The following GMDS variants were observed in gnomAD, a reference collection of about 807,000 sequenced individuals.
GMDS encodes the protein GDP-mannose 4,6 dehydratase.
Under a neutral mutation model 49.9 loss-of-function variants are expected in GMDS, and 20 were observed. That is an observed-to-expected ratio of 0.40 (90% CI 0.28 to 0.58). The LOEUF (loss-of-function observed/expected upper bound fraction) is 0.58, where lower values mean the gene tolerates loss of function less well. GMDS is among the 20% of genes least tolerant of loss of function. The pLI, the probability that GMDS is intolerant of heterozygous loss-of-function variation, is 0.42. For synonymous variants in GMDS, 177 were observed against 178.6 expected (o/e 0.99, Z 0.07); for missense variants, 362 against 481.4 (o/e 0.75, Z 2.32).
chr6:2,235,169 A>C (rs559406062), intron 1 of GMDS, among the ~76,000 whole-genome samples: 1 of 152,312 alleles, frequency 6.6e-6, no homozygotes, highest in Admixed American at 6.5e-5. Flanking sequence ...ATACGTGTAC[A>C]CAAAGGTGCC....
At chr6:1,812,097 T>C (rs1175357192) in intron 7 of GMDS, among the ~76,000 whole-genome samples, 3 of 152,146 alleles carry the variant, frequency 2.0e-5, no homozygotes, top group Admixed American at 1.3e-4. Flanking sequence ...GCTATAGAAG[T>C]ACCGCAGAGA....
At chr6:1,822,953 A>G (rs938174538) in intron 7 of GMDS, among the ~76,000 whole-genome samples, 57 of 152,300 alleles carry the variant, frequency 3.7e-4, no homozygotes, top group African/African-American at 1.3e-3. Context: ...TGCAATAGAA[A>G]AATCCTTCAA....
intron 1 of GMDS, among the ~76,000 whole-genome samples, chr6:2,222,307 G>A (rs1391476615): frequency 6.6e-6 from 1 of 152,174 alleles, no homozygotes; most frequent in Admixed American, 6.5e-5. Flanking sequence ...CTCTCCTGGG[G>A]TTAGAGACCA....
chr6:1,707,463 G>GCC (rs1312915855), intron 9 of GMDS, among the ~76,000 whole-genome samples: 1 of 152,164 alleles, frequency 6.6e-6, no homozygotes, highest in African/African-American at 2.4e-5. Flanking sequence ...TCTCTCAAAG[G>GCC]CCCTGCTCCA....
intron 1 of GMDS, among the ~76,000 whole-genome samples, chr6:2,235,810 A>T (rs1781330737): frequency 6.7e-6 from 1 of 148,276 alleles, no homozygotes; most frequent in Non-Finnish European, 1.5e-5. Context: ...TCTGGAAAAT[A>T]AAAAAAAATA....
chr6:1,840,352 TAGG>T (rs1369250379), intron 7 of GMDS, among the ~76,000 whole-genome samples: 2 of 152,270 alleles, frequency 1.3e-5, no homozygotes, highest in East Asian at 3.9e-4. Flanking sequence ...TGGCACATAG[TAGG>T]TTCTCCAAAA....
chr6:2,068,396 G>C (rs910494764), intron 4 of GMDS, among the ~76,000 whole-genome samples: 1 of 151,922 alleles, frequency 6.6e-6, no homozygotes, highest in Admixed American at 6.6e-5. Flanking sequence ...ATTCAACATA[G>C]TGTTGGAAGT....
chr6:2,139,226 CAATTT>C (rs1175667650), intron 1 of GMDS, among the ~76,000 whole-genome samples: 2 of 151,988 alleles, frequency 1.3e-5, no homozygotes, highest in African/African-American at 4.8e-5. Context: ...ACAAACATTT[CAATTT>C]AATTACTAAT....
intron 7 of GMDS, among the ~76,000 whole-genome samples, chr6:1,870,875 C>G (rs984955381): frequency 6.6e-6 from 1 of 152,096 alleles, no homozygotes; most frequent in Non-Finnish European, 1.5e-5. Flanking sequence ...AAAGTAAACA[C>G]AAACAGGGCC....
chr6:1,841,371 TG>T (rs1757145506), intron 7 of GMDS, among the ~76,000 whole-genome samples: 1 of 152,224 alleles, frequency 6.6e-6, no homozygotes, highest in African/African-American at 2.4e-5. Flanking sequence ...GTAAGAAACA[TG>T]ATCCTGGAAA....
At chr6:2,190,645 C>A (rs949470582) in intron 1 of GMDS, among the ~76,000 whole-genome samples, 1 of 152,192 alleles carries the variant, frequency 6.6e-6, no homozygotes, top group Admixed American at 6.5e-5. Context: ...TGACACAGCA[C>A]ATGTTTTTTT....
At chr6:2,056,735 C>T (rs1402342216) in intron 4 of GMDS, among the ~76,000 whole-genome samples, 1 of 152,146 alleles carries the variant, frequency 6.6e-6, no homozygotes, top group Non-Finnish European at 1.5e-5. Flanking sequence ...GACTTGAGGA[C>T]CAATCAATCT....
At chr6:2,145,762 G>A (rs1050399083) in intron 1 of GMDS, among the ~76,000 whole-genome samples, 2 of 152,056 alleles carry the variant, frequency 1.3e-5, no homozygotes, top group Admixed American at 6.6e-5. Context: ...TAAAGTATAC[G>A]GAGGACTGCA....
At chr6:2,027,279 A>G (rs1037329747) in intron 4 of GMDS, among the ~76,000 whole-genome samples, 1 of 152,218 alleles carries the variant, frequency 6.6e-6, no homozygotes, top group Non-Finnish European at 1.5e-5. Context: ...GACTGGCTGC[A>G]TGGGCAGAAC....
intron 9 of GMDS, among the ~76,000 whole-genome samples, chr6:1,669,576 C>T (rs755337728): frequency 1.4e-4 from 22 of 152,096 alleles, no homozygotes; most frequent in Non-Finnish European, 2.5e-4. Context: ...AGCACTTCAC[C>T]GCAGCTCAGG....
chr6:1,748,850 T>C (rs1767615186), intron 7 of GMDS, among the ~76,000 whole-genome samples: 2 of 152,264 alleles, frequency 1.3e-5, no homozygotes, highest in Non-Finnish European at 2.9e-5. Flanking sequence ...CTCTAGCTGC[T>C]AATTTTTTTG....
At chr6:2,206,792 T>C (rs192304882) in intron 1 of GMDS, among the ~76,000 whole-genome samples, 165 of 152,306 alleles carry the variant, frequency 1.1e-3, no homozygotes, top group African/African-American at 4.0e-3. Context: ...GGAAACACTA[T>C]GGGAACCACT....
At chr6:1,765,283 A>C (rs1230081919) in intron 7 of GMDS, among the ~76,000 whole-genome samples, 1 of 152,194 alleles carries the variant, frequency 6.6e-6, no homozygotes, top group Non-Finnish European at 1.5e-5. Context: ...AAATGTTTCC[A>C]AACTTTGTTG....
Position 2,208,552 on chromosome 6 carries a change from G to A in GMDS, c.102+36769C>T, listed in dbSNP as rs541787593. Among the ~76,000 whole-genome samples the A allele has an allele frequency of 9.9e-5, 15 of 152,252 alleles. No individual in the cohort carries two copies. In the South Asian group the frequency reaches 3.1e-3, roughly 32 times the overall value. On this transcript the variant is annotated intron_variant, in intron 1 of 10. Transcript: ENST00000380815. ...AGACAATTTTCCCACAGCTTGCAGGGCCACAAAGAGGTGGTACTGATGGAG... is the reference window on the plus strand; with the variant it reads ...AGACAATTTTCCCACAGCTTGCAGGACCACAAAGAGGTGGTACTGATGGAG...
Sources: gnomAD v4.1 joint callset for allele counts (sites outside exome capture counted in the v4.1 genomes callset) on GRCh38, gnomAD v4.1.1 for gene constraint, MANE v1.5 for transcripts, NCBI Gene and HGNC (gene_info 2026-07-23, HGNC 2026-07-21) for gene names.